PAXIP1: variants seen among roughly 807,000 people sequenced by gnomAD.
The protein encoded by PAXIP1 is PAX-interacting protein 1.
In PAXIP1, 19 loss-of-function variants were observed where a neutral mutation model predicts 140.6. The ratio of observed to expected loss-of-function variants is 0.14; its 90% CI spans 0.09 to 0.20. The LOEUF is 0.20. PAXIP1 is among the 10% of genes least tolerant of loss of function. The probability of loss-of-function intolerance (pLI) is 1.00; values close to 1 mark genes in which losing one functional copy is unlikely to be tolerated. For missense variants in PAXIP1, 920 were observed against 1,208.6 expected, an observed-to-expected ratio of 0.76 and a Z score of 3.54; for synonymous variants, 442 against 444.6, an observed-to-expected ratio of 0.99 and a Z score of 0.07.
Position 154,946,669 on chromosome 7 carries a change from C to T in PAXIP1, c.3057+10G>A. 1 of 1,613,752 alleles carries T rather than the reference C, an allele frequency of 6.2e-7. No homozygotes were observed. Among genetic ancestry groups the T allele is most frequent in the Non-Finnish European group, 8.5e-7 (1 of 1,179,826 alleles). ...ATGACGGACTCGCTGGCGGACTCCACTCTACCCACCGAGTTCTGCTTGTGC... is the reference window on the plus strand; with the variant it reads ...ATGACGGACTCGCTGGCGGACTCCATTCTACCCACCGAGTTCTGCTTGTGC... On this transcript the variant is annotated intron_variant, in intron 18 of 20. Transcript: ENST00000404141. The surrounding 1 kb of genome is among the most constrained non-coding windows in gnomAD (Gnocchi z 4.9).
rs764710814 is a variant in PAXIP1, at chr7:154,991,078, T to C, written c.261-9A>G. 29 of 1,451,866 alleles carry C rather than the reference T, an allele frequency of 2.0e-5. No homozygotes were observed. Among genetic ancestry groups the C allele is most frequent in the Middle Eastern group, 1.7e-4 (1 of 5,810 alleles). 89.9% of individuals were successfully genotyped at this position (1,451,866 alleles called of 1,614,324 possible). A position where few individuals can be genotyped will look rare whatever the true frequency, so the allele number is the denominator to read the frequency against. ...GAGAAAAACCATTTACTCTGTTTTA[T>C]AGTTATTAAGATTACAATGAAATAA... On this transcript the variant is annotated splice_polypyrimidine_tract_variant and intron_variant, in intron 3 of 20. Transcript: ENST00000404141.
chr7:154,976,878 A>T (rs1809606838), intron 5 of PAXIP1, among the ~76,000 whole-genome samples: 2 of 152,222 alleles, frequency 1.3e-5, no homozygotes, highest in Admixed American at 1.3e-4. Flanking sequence ...GACACAAAGG[A>T]TGCAACAAGT....
intron 5 of PAXIP1, among the ~76,000 whole-genome samples, chr7:154,981,434 T>C (rs1171561824): frequency 6.6e-6 from 1 of 152,154 alleles, no homozygotes; most frequent in Admixed American, 6.5e-5. Context: ...GAAATTAAAA[T>C]TGGAAAAGCA....
intron 16 of PAXIP1, chr7:154,948,884 T>G (rs977120830): frequency 6.6e-6 from 1 of 152,076 alleles, no homozygotes; most frequent in African/African-American, 2.4e-5. Flanking sequence ...AAACACACAT[T>G]CAAGTATATA....
rs921701244 is a variant in PAXIP1, at chr7:154,967,657, G to A, written c.1893+159C>T. On this transcript the variant is annotated intron_variant, in intron 8 of 20. Coordinates refer to ENST00000404141, the MANE Select transcript of PAXIP1 (RefSeq NM_007349.4). ...GAAAACTGATGCCCAGAAAAGTGCT[G>A]TGCCTCAGGTCACACAGAATGTTAA... The A allele has an allele frequency of 7.0e-6, 4 of 571,990 alleles. No homozygotes were observed. The African/African-American group carries it at 7.5e-5, about 11-fold the overall frequency. 35.4% of individuals were successfully genotyped at this position (571,990 alleles called of 1,614,324 possible).
intron 4 of PAXIP1, among the ~76,000 whole-genome samples, chr7:154,988,418 A>G (rs372276029): frequency 6.0e-4 from 92 of 152,336 alleles, no homozygotes; most frequent in Non-Finnish European, 2.9e-4. Flanking sequence ...ATGTATGTCT[A>G]CACTATAACC....
intron 4 of PAXIP1, among the ~76,000 whole-genome samples, chr7:154,989,607 T>C (rs1246424934): frequency 6.6e-6 from 1 of 152,172 alleles, no homozygotes; most frequent in Non-Finnish European, 1.5e-5. Context: ...CTTTAAACAA[T>C]AACAATTTGA....
chr7:154,955,687 A>G, intron 14 of PAXIP1, 56 bp from the exon 15 acceptor site: 2 of 999,644 alleles, frequency 2.0e-6, no homozygotes, highest in Non-Finnish European at 2.9e-6. Flanking sequence ...TACAATGAAA[A>G]TTTTCTTTAG....
intron 4 of PAXIP1, chr7:154,983,805 G>A (rs867465909): frequency 6.5e-6 from 1 of 153,352 alleles, no homozygotes; most frequent in Admixed American, 6.5e-5. Flanking sequence ...TAAAAATAAA[G>A]ATAAAAATAT....
At chr7:154,959,113 T>G (rs897793641) in intron 13 of PAXIP1, among the ~76,000 whole-genome samples, 2 of 152,130 alleles carry the variant, frequency 1.3e-5, no homozygotes, top group Non-Finnish European at 2.9e-5. Context: ...AACACAAGCT[T>G]GGGTGTTAGC....
intron 6 of PAXIP1, among the ~76,000 whole-genome samples, chr7:154,971,014 G>A (rs1809289068): frequency 6.6e-6 from 1 of 152,200 alleles, no homozygotes; most frequent in Non-Finnish European, 1.5e-5. Flanking sequence ...GCCAAGCCCA[G>A]GTGGAAGGGA....
intron 5 of PAXIP1, among the ~76,000 whole-genome samples, chr7:154,980,694 G>A (rs542735378): frequency 4.8e-4 from 73 of 152,294 alleles, no homozygotes; most frequent in African/African-American, 1.6e-3. Context: ...ATTTACAGGC[G>A]TGAGCCACCA....
chr7:154,999,583 A>T (rs974262036), intron 1 of PAXIP1, among the ~76,000 whole-genome samples: 1 of 152,188 alleles, frequency 6.6e-6, no homozygotes, highest in African/African-American at 2.4e-5. Flanking sequence ...AGAATCGGCA[A>T]GCCTTGGTGT....
At chr7:154,993,909 T>C (rs1331033135) in intron 2 of PAXIP1, 140 bp from the exon 3 acceptor site, 2 of 629,958 alleles carry the variant, frequency 3.2e-6, no homozygotes, top group South Asian at 2.1e-5. Context: ...AATATTCAAA[T>C]AGAAATATTA....
At chr7:154,962,182 A>AC (rs1265912979) in intron 10 of PAXIP1, 139 bp downstream of exon 10, 2 of 765,644 alleles carry the variant, frequency 2.6e-6, no homozygotes, top group Non-Finnish European at 4.3e-6. Context: ...ATGAGCAGGC[A>AC]CTTATGAACT....
intron 3 of PAXIP1, among the ~76,000 whole-genome samples, chr7:154,992,278 G>C (rs4631416): frequency 0.26 from 39,130 of 152,060 alleles, 5,512 homozygotes; most frequent in Middle Eastern, 0.37. Context: ...GCTGGGCGCG[G>C]TGGCTCATGC....
intron 6 of PAXIP1, chr7:154,974,194 T>C (rs911128278): frequency 6.6e-5 from 10 of 152,400 alleles, no homozygotes; most frequent in African/African-American, 2.4e-4. Context: ...AACAGCATCA[T>C]CTTCCTTCAC....
rs1809541665 is a variant in PAXIP1, at chr7:154,975,762, C to T, written c.1008G>A (p.Arg336=). ...CATTATTAGTAATATTCCTCAGTGT[C>T]CGTACAGCTGGACTCCAGGTAGCTA... is the stretch of plus-strand genomic sequence containing the variant. ...EMIATWSPAV[R]TLRNITNNAD... The change falls in exon 6 of 21, where the codon CGG becomes CGA. Residue 336 remains arginine, a synonymous_variant. Transcript: ENST00000404141. The T allele has an allele frequency of 4.3e-6, 7 of 1,613,788 alleles. No individual in the cohort carries two copies. The highest frequency in any genetic ancestry group is 5.1e-6 in the Non-Finnish European group (6 of 1,179,836).
At chr7:154,961,848 G>T (rs928294756) in intron 10 of PAXIP1, among the ~76,000 whole-genome samples, 200 bp from the exon 11 acceptor site, 1 of 152,168 alleles carries the variant, frequency 6.6e-6, no homozygotes, top group African/African-American at 2.4e-5. Flanking sequence ...TAGCCCTCAC[G>T]GGGAGGAAGA....
Sources: allele counts gnomAD v4.1 joint callset (sites outside exome capture counted in the v4.1 genomes callset), GRCh38; gene constraint gnomAD v4.1.1; non-coding constraint Gnocchi (gnomAD v3.1); transcripts MANE v1.5; gene names NCBI Gene and HGNC (gene_info 2026-07-23, HGNC 2026-07-21).